Variants in WDPCP observed in about 807,000 individuals in gnomAD.
WDPCP encodes WD repeat containing planar cell polarity effector, also known as WD repeat-containing and planar cell polarity effector protein fritz homolog.
WDPCP carries 71 observed loss-of-function variants against 93.1 expected under a neutral mutation model. The ratio of observed to expected loss-of-function variants is 0.76; its 90% confidence interval spans 0.63 to 0.93. The LOEUF (loss-of-function observed/expected upper bound fraction) is 0.93, where lower values mean the gene tolerates loss of function less well. WDPCP is among the 40% of genes least tolerant of loss of function. The pLI is 0.00. For synonymous variants in WDPCP, 315 were observed against 315.0 expected, an observed-to-expected ratio of 1.00 and a Z score of 0.00; for missense variants, 844 against 887.4, an observed-to-expected ratio of 0.95 and a Z score of 0.62.
In WDPCP at chr2:63,328,791, G is replaced by C. The variant is rs181934412; in HGVS notation, c.1749-15480C>G. Among the ~76,000 whole-genome samples, 176 of 152,256 alleles carry C rather than the reference G, an allele frequency of 1.2e-3. 2 individuals carry two copies. In the Middle Eastern group the frequency reaches 0.014, roughly 12 times the overall value. ...CTGTCACCCAGGCTGGAGTACAGCA[G>C]TCATGGCTCACTGCAGCCTGAAACT... is the stretch of plus-strand genomic sequence containing the variant. On this transcript the variant is annotated intron_variant, in intron 12 of 17. Coordinates refer to ENST00000272321, the MANE Select transcript of WDPCP (RefSeq NM_015910.7).
chr2:63,551,541 GATGCCAGCACC>G (rs1167952723), intron 1 of WDPCP, among the ~76,000 whole-genome samples: 1 of 152,196 alleles, frequency 6.6e-6, no homozygotes, highest in Non-Finnish European at 1.5e-5. Flanking sequence ...ACCAGGAGCA[GATGCCAGCACC>G]ATGCTTCCTG....
chr2:63,471,700 T>G (rs1699700901), intron 6 of WDPCP, among the ~76,000 whole-genome samples: 1 of 152,168 alleles, frequency 6.6e-6, no homozygotes. Context: ...GAACCTCCCA[T>G]TCCCTGCCCC....
At chr2:63,326,474 C>T (rs1224275770) in intron 12 of WDPCP, among the ~76,000 whole-genome samples, 2 of 152,034 alleles carry the variant, frequency 1.3e-5, no homozygotes, top group Non-Finnish European at 2.9e-5. Flanking sequence ...TGGCACTTAC[C>T]TGAGCCTTAG....
chr2:63,262,539 CAA>C (rs5831658), intron 13 of WDPCP, among the ~76,000 whole-genome samples: 68,969 of 130,040 alleles, frequency 0.53, 19,344 homozygotes, highest in African/African-American at 0.77. Flanking sequence ...CCATATAAGC[CAA>C]AAAAAAAAAA....
At position 63,585,645 on chromosome 2, in the gene WDPCP, T is replaced by C. The variant is rs76770860; in HGVS notation, c.75+2552A>G. Among the ~76,000 whole-genome samples, 708 of 152,208 alleles carry C rather than the reference T, an allele frequency of 4.7e-3. 9 individuals are homozygous for C. The highest frequency in any genetic ancestry group is 0.016 in the African/African-American group (664 of 41,538). On this transcript the variant is annotated intron_variant, in intron 1 of 17. Transcript: ENST00000272321. Reference sequence around the variant, plus strand: ...GCAATGTAAAGGCATCTTTACATTATAGTACTCTCTAAATATTACATTGTT... The same window carrying C: ...GCAATGTAAAGGCATCTTTACATTACAGTACTCTCTAAATATTACATTGTT...
chr2:63,832,295 C>G (rs1436590894), upstream of WDPCP, among the ~76,000 whole-genome samples: 1 of 152,210 alleles, frequency 6.6e-6, no homozygotes, highest in East Asian at 1.9e-4. Context: ...CTTCCTCATG[C>G]AGCAGTCTCA....
intron 12 of WDPCP, among the ~76,000 whole-genome samples, chr2:63,324,934 C>T (rs1030034885): frequency 3.3e-5 from 5 of 152,154 alleles, no homozygotes; most frequent in African/African-American, 1.2e-4. Flanking sequence ...CTACAGGAGG[C>T]CTTAAGAAAA....
At chr2:63,724,107 T>C (rs1430899576) in intron 2 of WDPCP, among the ~76,000 whole-genome samples, 2 of 152,210 alleles carry the variant, frequency 1.3e-5, no homozygotes, top group Non-Finnish European at 2.9e-5. Context: ...AACCAAAACA[T>C]GCAGAATGCT....
chr2:63,414,858 C>T (rs534424447), intron 9 of WDPCP, among the ~76,000 whole-genome samples: 2 of 152,078 alleles, frequency 1.3e-5, no homozygotes, highest in Non-Finnish European at 2.9e-5. Flanking sequence ...ACCACCTTTA[C>T]CCCAATAAGT....
chr2:63,599,599 G>A (rs77618569), intron 3 of WDPCP: 15 of 185,342 alleles, frequency 8.1e-5, no homozygotes, highest in Non-Finnish European at 1.1e-5. Context: ...AGTTATACAT[G>A]ATGGTACATA....
Position 63,720,039 on chromosome 2 carries a change from G to A in WDPCP, n.309-69201C>T, listed in dbSNP as rs184782696. On this transcript the variant is annotated intron_variant and non_coding_transcript_variant, in intron 2 of 4. Coordinates refer to the WDPCP transcript ENST00000467687. ...GTAATTGACCTTTTTCTTCTTTTTGGTATTCTGAATCTTTTATAATATTTG... is the reference window on the plus strand; with the variant it reads ...GTAATTGACCTTTTTCTTCTTTTTGATATTCTGAATCTTTTATAATATTTG... 1.3e-4 allele frequency among the ~76,000 whole-genome samples: 20 copies of A among 152,036 alleles called. No individual in the cohort carries two copies. In the East Asian group the frequency reaches 3.9e-3, roughly 29 times the overall value.
chr2:63,482,259 G>A (rs1031199991), intron 6 of WDPCP, among the ~76,000 whole-genome samples: 20 of 152,004 alleles, frequency 1.3e-4, no homozygotes, highest in Non-Finnish European at 1.3e-4. Flanking sequence ...TTTCTTGGGA[G>A]AAAATGACGT....
chr2:63,513,959 G>C (rs539506893), intron 1 of WDPCP, among the ~76,000 whole-genome samples: 7 of 151,694 alleles, frequency 4.6e-5, no homozygotes, highest in Non-Finnish European at 8.8e-5. Context: ...TGTTAAAGGA[G>C]TGTTGGCTAT....
chr2:63,275,378 C>G (rs979144038), intron 13 of WDPCP, among the ~76,000 whole-genome samples: 6 of 152,066 alleles, frequency 3.9e-5, no homozygotes, highest in Non-Finnish European at 7.4e-5. Context: ...AAGAACTGAA[C>G]AAGAAAAGGA....
chr2:63,195,597 C>A (rs1273460912), intron 14 of WDPCP, among the ~76,000 whole-genome samples: 1 of 151,758 alleles, frequency 6.6e-6, no homozygotes, highest in African/African-American at 2.4e-5. Context: ...GGGTTATAGG[C>A]GTGAGCCACC....
intron 3 of WDPCP, among the ~76,000 whole-genome samples, chr2:63,641,363 T>G (rs1709978404): frequency 6.6e-6 from 1 of 152,178 alleles, no homozygotes; most frequent in African/African-American, 2.4e-5. Context: ...TTGAGGAACC[T>G]CCAAACTGTT....
chr2:63,646,677 C>T (rs1030173541), intron 3 of WDPCP, among the ~76,000 whole-genome samples: 1 of 152,122 alleles, frequency 6.6e-6, no homozygotes, highest in African/African-American at 2.4e-5. Context: ...ACCAGATATA[C>T]TATTCTAAAG....
At position 63,648,923 on chromosome 2, in the gene WDPCP, T is replaced by C. The variant is rs77682542; in HGVS notation, n.488+1736A>G. ...AGGCTCCAGTTAACTAAAAATCCCA[T>C]ATCATTTTCACATGGATTGCTGTTT... is the stretch of plus-strand genomic sequence containing the variant. On this transcript the variant is annotated intron_variant and non_coding_transcript_variant, in intron 3 of 4. Coordinates refer to the WDPCP transcript ENST00000467687. Among the ~76,000 whole-genome samples, 699 of 152,306 alleles carry C rather than the reference T, an allele frequency of 4.6e-3. 2 individuals carry two copies. The highest frequency in any genetic ancestry group is 7.8e-3 in the Non-Finnish European group (531 of 68,018).
intron 1 of WDPCP, among the ~76,000 whole-genome samples, chr2:63,824,074 G>A (rs1671073376): frequency 6.6e-6 from 1 of 152,096 alleles, no homozygotes; most frequent in Non-Finnish European, 1.5e-5. Context: ...ATTCTCACAT[G>A]TCAAGGGAGG....
Sources: allele counts gnomAD v4.1 joint callset (sites outside exome capture counted in the v4.1 genomes callset), GRCh38; gene constraint gnomAD v4.1.1; transcripts MANE v1.5; gene names NCBI Gene and HGNC (gene_info 2026-07-23, HGNC 2026-07-21).